Variants in CNTN4 observed in about 807,000 individuals in gnomAD.
CNTN4 encodes contactin 4.
In CNTN4, 77 loss-of-function variants were observed where a neutral mutation model predicts 122.5. The observed-to-expected ratio is 0.63, with a 90% CI of 0.52 to 0.76. CNTN4 has a LOEUF of 0.76. Ranked by LOEUF, CNTN4 falls within the 30% of genes least tolerant of loss-of-function variation. The pLI is 0.00. For synonymous variants in CNTN4, 512 were observed against 447.0 expected (o/e 1.15, Z -1.83); for missense variants, 1,256 against 1,259.1 (o/e 1.00, Z 0.04).
intron 3 of CNTN4, among the ~76,000 whole-genome samples, chr3:2,561,277 C>G (rs1220979339): frequency 6.6e-6 from 1 of 152,186 alleles, no homozygotes; most frequent in Non-Finnish European, 1.5e-5. Context: ...AGAATTGGCA[C>G]TCTGCAGCAC....
chr3:2,842,990 C>T (rs2093390589), intron 7 of CNTN4, among the ~76,000 whole-genome samples: 1 of 152,130 alleles, frequency 6.6e-6, no homozygotes, highest in African/African-American at 2.4e-5. Flanking sequence ...AGTCCAATGG[C>T]TTCAAATGCC....
chr3:2,695,364 T>A (rs1243607137), intron 4 of CNTN4, among the ~76,000 whole-genome samples: 1 of 152,184 alleles, frequency 6.6e-6, no homozygotes, highest in Non-Finnish European at 1.5e-5. Flanking sequence ...AGTAAACCCC[T>A]CTTATGCACA....
At chr3:2,244,195 A>G (rs1459592740) in intron 2 of CNTN4, among the ~76,000 whole-genome samples, 1 of 148,736 alleles carries the variant, frequency 6.7e-6, no homozygotes, top group African/African-American at 2.4e-5. Flanking sequence ...TAGAACAGTT[A>G]TAACATCATA....
At chr3:2,200,256 G>A (rs918576044) in intron 2 of CNTN4, among the ~76,000 whole-genome samples, 5 of 152,264 alleles carry the variant, frequency 3.3e-5, no homozygotes, top group African/African-American at 1.2e-4. Flanking sequence ...AGTTAAAGAT[G>A]TGCTGATGGT....
At chr3:2,834,124 A>G (rs1337990915) in intron 7 of CNTN4, among the ~76,000 whole-genome samples, 1 of 152,194 alleles carries the variant, frequency 6.6e-6, no homozygotes, top group Non-Finnish European at 1.5e-5. Context: ...AGCCTGGGCA[A>G]CAGAGCAAGA....
intron 3 of CNTN4, among the ~76,000 whole-genome samples, chr3:2,379,346 C>A (rs1343607653): frequency 6.6e-6 from 1 of 151,788 alleles, no homozygotes; most frequent in African/African-American, 2.4e-5. Context: ...GCATGCAGAT[C>A]TGCCTATTAT....
At chr3:2,902,013 A>G (rs903515150) in intron 11 of CNTN4, among the ~76,000 whole-genome samples, 10 of 152,172 alleles carry the variant, frequency 6.6e-5, no homozygotes, top group African/African-American at 2.2e-4. Flanking sequence ...TTTATTCAAA[A>G]ACAGGTAATT....
At chr3:2,964,146 C>T (rs1201228386) in intron 13 of CNTN4, among the ~76,000 whole-genome samples, 1 of 152,096 alleles carries the variant, frequency 6.6e-6, no homozygotes, top group African/African-American at 2.4e-5. Flanking sequence ...TATTTATGTT[C>T]AGACCTGACT....
intron 3 of CNTN4, among the ~76,000 whole-genome samples, chr3:2,378,318 C>G (rs2045897121): frequency 1.3e-5 from 2 of 152,182 alleles, no homozygotes; most frequent in South Asian, 2.1e-4. Flanking sequence ...CATCACCATT[C>G]CATTCCTCAG....
intron 13 of CNTN4, among the ~76,000 whole-genome samples, chr3:2,982,923 A>G (rs1157771157): frequency 5.9e-5 from 9 of 151,748 alleles, no homozygotes; most frequent in Admixed American, 5.9e-4. Context: ...TAAAAAAAAT[A>G]GCACAAAGCT....
intron 13 of CNTN4, among the ~76,000 whole-genome samples, chr3:2,927,104 C>T (rs1466464816): frequency 6.6e-6 from 1 of 151,342 alleles, no homozygotes; most frequent in Non-Finnish European, 1.5e-5. Flanking sequence ...AATAAGGCTA[C>T]ATTTTAAAAG....
intron 2 of CNTN4, among the ~76,000 whole-genome samples, chr3:2,243,689 C>G (rs1252925871): frequency 1.3e-5 from 2 of 151,936 alleles, no homozygotes; most frequent in Admixed American, 1.3e-4. Context: ...TCACTATGGA[C>G]AAGTTAAATA....
chr3:2,776,195 G>C (rs2091307968), intron 6 of CNTN4, among the ~76,000 whole-genome samples: 1 of 152,000 alleles, frequency 6.6e-6, no homozygotes, highest in South Asian at 2.1e-4. Context: ...CAAGGTCTGG[G>C]GAAGATGAGC....
At chr3:2,951,821 A>T (rs1378785577) in intron 13 of CNTN4, among the ~76,000 whole-genome samples, 1 of 152,348 alleles carries the variant, frequency 6.6e-6, no homozygotes, top group South Asian at 2.1e-4. Flanking sequence ...GTGACCTTCA[A>T]TGCACTATTA....
intron 23 of CNTN4, among the ~76,000 whole-genome samples, chr3:3,049,149 C>T: frequency 6.6e-6 from 1 of 152,216 alleles, no homozygotes; most frequent in East Asian, 1.9e-4. Flanking sequence ...GTGGTACAAT[C>T]TTGGCTCACT....
intron 6 of CNTN4, among the ~76,000 whole-genome samples, chr3:2,781,873 C>G (rs560349040): frequency 0.12 from 5,075 of 42,890 alleles, 455 homozygotes; most frequent in Non-Finnish European, 0.14. Context: ...TGCAGGCGCC[C>G]GCACCACGCC....
In CNTN4 at chr3:2,838,560, T is replaced by TAA. The variant is rs11394928; in HGVS notation, c.454+19000_454+19001dup. Among the ~76,000 whole-genome samples the TAA allele has an allele frequency of 4.0e-3, 514 of 127,910 alleles. 2 individuals carry two copies. The highest frequency in any genetic ancestry group is 0.012 in the African/African-American group (422 of 35,012). The allele number at this position is 127,910 out of a possible 152,430, so 83.9% of individuals were successfully genotyped here. A position where few individuals can be genotyped will look rare whatever the true frequency, so the allele number is the denominator to read the frequency against. ...TTTGCCATTCAGACCCTATGGTTTG[T>TAA]AAAAAAAAAAAAAAAAAAAAAATTA... On this transcript the variant is annotated intron_variant, in intron 7 of 24. Coordinates refer to ENST00000418658, the MANE Select transcript of CNTN4 (RefSeq NM_175607.3).
At chr3:3,031,502 G>T (rs1699159345) in intron 16 of CNTN4, among the ~76,000 whole-genome samples, 1 of 152,058 alleles carries the variant, frequency 6.6e-6, no homozygotes, top group Non-Finnish European at 1.5e-5. Context: ...TAGTAAATGA[G>T]CTGAGAGTTG....
At chr3:3,048,534 G>GTGTGTGTGTATT (rs1474782759) in intron 23 of CNTN4, among the ~76,000 whole-genome samples, 1 of 151,826 alleles carries the variant, frequency 6.6e-6, no homozygotes, top group East Asian at 1.9e-4. Context: ...GTGTGTGTGT[G>GTGTGTGTGTATT]TGTGTGTGTG....
Sources: allele counts gnomAD v4.1 joint callset (sites outside exome capture counted in the v4.1 genomes callset), GRCh38; gene constraint gnomAD v4.1.1; transcripts MANE v1.5; gene names NCBI Gene and HGNC (gene_info 2026-07-23, HGNC 2026-07-21).